Variants in PCLAF observed in about 807,000 individuals in gnomAD.
PCLAF encodes the protein PCNA clamp associated factor, also known as PCNA-associated factor.
Under a neutral mutation model 15.1 loss-of-function variants are expected in PCLAF, and 12 were observed. The ratio of observed to expected loss-of-function variants is 0.79; its 90% CI spans 0.51 to 1.29. The LOEUF (loss-of-function observed/expected upper bound fraction) is 1.29. Ranked by LOEUF, PCLAF falls within the 50% of genes most tolerant of loss-of-function variation. The pLI, the probability that PCLAF is intolerant of heterozygous loss-of-function variation, is 0.00. For synonymous variants in PCLAF, 33 were observed against 47.1 expected (o/e 0.70, Z 1.22); for missense variants, 116 against 130.9 (o/e 0.89, Z 0.56).
chr15:64,381,086 C>G, intron 1 of PCLAF, 48 bp from the exon 2 acceptor site: 1 of 1,565,114 alleles, frequency 6.4e-7, no homozygotes, highest in African/African-American at 1.3e-5. Context: ...AGGAGGGTTC[C>G]GACACCGAGT....
chr15:64,371,298 T>C (rs951955852), intron 3 of PCLAF, among the ~76,000 whole-genome samples: 1 of 150,218 alleles, frequency 6.7e-6, no homozygotes, highest in Non-Finnish European at 1.5e-5. Flanking sequence ...TCTCACTCTG[T>C]TGCCCAGGCT....
intron 3 of PCLAF, chr15:64,373,566 T>C (rs1899446129): frequency 2.8e-6 from 4 of 1,422,104 alleles, no homozygotes; most frequent in Non-Finnish European, 3.7e-6. Context: ...AGGGCACTGT[T>C]GGAGGGCTTT....
rs1367712959 is a variant in PCLAF, at chr15:64,370,846, T to G, written c.291-4771A>C. On this transcript the variant is annotated intron_variant, in intron 3 of 3. Transcript: ENST00000300035. ...ATAAAGTTGTTTTTTTTTTTTTTTT[T>G]TTTTTTTTTTAAGTATTTACAGAAA... is the stretch of plus-strand genomic sequence containing the variant. Among the ~76,000 whole-genome samples the G allele has an allele frequency of 5.3e-5, 8 of 150,236 alleles. No homozygotes were observed. In the South Asian group the frequency reaches 8.4e-4, roughly 16 times the overall value.
At chr15:64,385,416 G>A (rs1159766268), upstream of PCLAF, among the ~76,000 whole-genome samples, 9 of 151,862 alleles carry the variant, frequency 5.9e-5, no homozygotes, top group African/African-American at 2.2e-4. Context: ...ACCTAAAGTC[G>A]GGAGTTTGAG....
chr15:64,383,985 A>G (rs1367983970), upstream of PCLAF, among the ~76,000 whole-genome samples: 1 of 152,200 alleles, frequency 6.6e-6, no homozygotes, highest in East Asian at 1.9e-4. Flanking sequence ...TCTTCATTGA[A>G]ATGTTTGCTT....
At chr15:64,377,682 A>G (rs972103963) in intron 2 of PCLAF, among the ~76,000 whole-genome samples, 1 of 147,156 alleles carries the variant, frequency 6.8e-6, no homozygotes, top group Admixed American at 6.9e-5. Context: ...TCTCCACAAA[A>G]GTAGATTCCA....
Position 64,373,801 on chromosome 15 carries a change from C to T in PCLAF, c.290+2942G>A, listed in dbSNP as rs1037099170. On this transcript the variant is annotated intron_variant, in intron 3 of 3. Transcript: ENST00000300035. ...GAGATAGCAAGTAGGGTCTTATATT[C>T]AAGGGGCATCATAATGGCAGTGACA... 9 of 1,531,558 alleles carry T rather than the reference C, an allele frequency of 5.9e-6. No individual in the cohort carries two copies. In the African/African-American group the frequency reaches 1.1e-4, roughly 19 times the overall value. The allele number at this position is 1,531,558 out of a possible 1,614,324, so 94.9% of individuals were successfully genotyped here.
At chr15:64,370,646 G>T (rs1251414924) in intron 3 of PCLAF, among the ~76,000 whole-genome samples, 1 of 151,254 alleles carries the variant, frequency 6.6e-6, no homozygotes. Context: ...TGGGATTACA[G>T]GCACAAGCCA....
At chr15:64,373,868 G>C (rs906537956) in intron 3 of PCLAF, 1 of 1,132,564 alleles carries the variant, frequency 8.8e-7, no homozygotes, top group African/African-American at 1.6e-5. Flanking sequence ...ACTTTGTTTC[G>C]AAACAAAACA....
At position 64,364,623 on chromosome 15, in the gene PCLAF, G is replaced by A. The variant is rs889367948; in HGVS notation, c.*1407C>T. 1 of 151,648 alleles carries A rather than the reference G, an allele frequency of 6.6e-6. No individual in the cohort carries two copies. The highest frequency in any genetic ancestry group is 2.4e-5 in the African/African-American group (1 of 41,286). 9.4% of individuals were successfully genotyped at this position (151,648 alleles called of 1,614,324 possible). A position where few individuals can be genotyped will look rare whatever the true frequency, so the allele number is the denominator to read the frequency against. On this transcript the variant is annotated 3_prime_UTR_variant, in exon 4 of 4. Coordinates refer to ENST00000300035, the MANE Select transcript of PCLAF (RefSeq NM_014736.6). ...TTAAGAGATGGGATCTGGTTCCACT[G>A]TGTGTGCCACCATGCCAGGCTAATT...
At chr15:64,378,038 C>T (rs1899685044) in intron 2 of PCLAF, among the ~76,000 whole-genome samples, 1 of 152,052 alleles carries the variant, frequency 6.6e-6, no homozygotes, top group South Asian at 2.1e-4. Flanking sequence ...TCATGCCATT[C>T]TCCTGCCTCA....
rs546098189 is a variant in PCLAF, at chr15:64,373,499, T to C, written c.290+3244A>G. On this transcript the variant is annotated intron_variant, in intron 3 of 3. Transcript: ENST00000300035. ...TGTAGCTGTTTCTTGACCTGCCTCT[T>C]AATGGTAGAGATGTAGAAGGGCAAG... 52 of 843,500 alleles carry C rather than the reference T, an allele frequency of 6.2e-5. No homozygotes were observed. In the African/African-American group the frequency reaches 8.6e-4, roughly 14 times the overall value. The allele number at this position is 843,500 out of a possible 1,614,324, so 52.3% of individuals were successfully genotyped here.
chr15:64,365,553 C>A lies in PCLAF; in HGVS notation c.*477G>T, dbSNP rs1476993560. The A allele has an allele frequency of 6.3e-6, 1 of 159,254 alleles. No individual in the cohort carries two copies. Among genetic ancestry groups the A allele is most frequent in the Non-Finnish European group, 1.4e-5 (1 of 73,252 alleles). The allele number at this position is 159,254 out of a possible 1,614,324, so 9.9% of individuals were successfully genotyped here. ...AGGTTTTCCAACATTGCGTATTTGTCCTCCTTGCCAAAAAAGAGGGTAGAA... is the reference window on the plus strand; with the variant it reads ...AGGTTTTCCAACATTGCGTATTTGTACTCCTTGCCAAAAAAGAGGGTAGAA... On this transcript the variant is annotated 3_prime_UTR_variant, in exon 4 of 4. Coordinates refer to ENST00000300035, the MANE Select transcript of PCLAF (RefSeq NM_014736.6).
upstream of PCLAF, chr15:64,381,540 C>A (rs1899823884): frequency 6.7e-7 from 1 of 1,490,144 alleles, no homozygotes; most frequent in South Asian, 1.3e-5. Context: ...CGCCGTTCCC[C>A]CTGAACCAAT....
At chr15:64,387,600 T>A in exon 1 of PCLAF, 1 of 1,377,182 alleles carries the variant, frequency 7.3e-7, no homozygotes, top group Non-Finnish European at 9.4e-7. Flanking sequence ...GAATTGCCAA[T>A]GGCCTTCCTC....
At chr15:64,385,959 C>T (rs1186638758), upstream of PCLAF, among the ~76,000 whole-genome samples, 3 of 152,156 alleles carry the variant, frequency 2.0e-5, no homozygotes, top group African/African-American at 7.2e-5. Context: ...TCCAGGGTCT[C>T]CTGCTTGCAG....
Position 64,376,745 on chromosome 15 carries a change from T to C in PCLAF, c.288A>G (p.Arg96=). 6.2e-7 allele frequency: 1 copy of C among 1,609,616 alleles called. No individual in the cohort carries two copies. Among genetic ancestry groups the C allele is most frequent in the Non-Finnish European group, 8.5e-7 (1 of 1,178,090 alleles). ...TATTCCAGAATATAAAAACTTACTT[T>C]CTCTTTGCTTTTCCTAAGCCACTGC... The part of the protein sequence containing the change: ...AGSSGLGKAK[R]KACPLQPDHT... The change falls in exon 3 of 4, where the codon AGA becomes AGG. Residue 96 remains arginine, a splice_region_variant and synonymous_variant. Transcript: ENST00000300035.
chr15:64,386,015 A>T (rs1159944763), upstream of PCLAF, among the ~76,000 whole-genome samples: 1 of 152,068 alleles, frequency 6.6e-6, no homozygotes, highest in Non-Finnish European at 1.5e-5. Context: ...TCCTGAGCCA[A>T]TTCCCTAATA....
upstream of PCLAF, among the ~76,000 whole-genome samples, chr15:64,385,339 G>C (rs187926396): frequency 7.3e-3 from 1,110 of 152,158 alleles, 8 homozygotes; most frequent in Non-Finnish European, 0.012. Context: ...GTGTCAACTT[G>C]ACCAGATTAA....
Sources: gnomAD v4.1 joint callset for allele counts (sites outside exome capture counted in the v4.1 genomes callset) on GRCh38, gnomAD v4.1.1 for gene constraint, MANE v1.5 for transcripts, NCBI Gene and HGNC (gene_info 2026-07-23, HGNC 2026-07-21) for gene names.